Variants in CSPP1 observed in about 807,000 individuals in gnomAD.
CSPP1 encodes centrosome and spindle pole-associated protein 1.
Under a neutral mutation model 164.4 loss-of-function variants are expected in CSPP1, and 126 were observed. The ratio of observed to expected loss-of-function variants is 0.77; its 90% confidence interval spans 0.66 to 0.89. CSPP1 has a LOEUF of 0.89. Among genes scored for constraint, CSPP1 ranks in the 40% least tolerant of loss-of-function variants. The probability of loss-of-function intolerance (pLI) is 0.00; values close to 1 mark genes in which losing one functional copy is unlikely to be tolerated. For missense variants in CSPP1, 1,395 were observed against 1,449.8 expected, an observed-to-expected ratio of 0.96 and a Z score of 0.61; for synonymous variants, 472 against 476.7, an observed-to-expected ratio of 0.99 and a Z score of 0.13.
chr8:67,164,213 C>T (rs1251351472), intron 23 of CSPP1, among the ~76,000 whole-genome samples, 178 bp from the exon 24 acceptor site: 1 of 152,024 alleles, frequency 6.6e-6, no homozygotes, highest in Non-Finnish European at 1.5e-5. Context: ...ACTTGTGGGT[C>T]CTAATGACGT....
intron 1 of CSPP1, among the ~76,000 whole-genome samples, chr8:67,073,408 A>G (rs1251228301): frequency 3.3e-5 from 5 of 152,254 alleles, no homozygotes; most frequent in Admixed American, 2.6e-4. Flanking sequence ...TCTGTTACAC[A>G]GGATTCTTTT....
At chr8:67,091,725 G>A in intron 4 of CSPP1, 78 bp from the exon 5 acceptor site, 4 of 420,114 alleles carry the variant, frequency 9.5e-6, no homozygotes, top group South Asian at 6.1e-5. Context: ...TTAGAATATA[G>A]AATGCAAAGA....
chr8:67,148,324 T>G (rs1825027251), intron 17 of CSPP1, among the ~76,000 whole-genome samples: 1 of 152,220 alleles, frequency 6.6e-6, no homozygotes, highest in African/African-American at 2.4e-5. Flanking sequence ...TATTGAAGAA[T>G]AGGTATCCAT....
At chr8:67,083,550 T>C (rs7386366) in intron 3 of CSPP1, 8 of 85,082 alleles carry the variant, frequency 9.4e-5, no homozygotes, top group Non-Finnish European at 1.9e-4. Flanking sequence ...AAAAAAAAAA[T>C]ATATATATAT....
Position 67,115,916 on chromosome 8 carries a change from T to C in CSPP1, c.1290T>C (p.Pro430=), listed in dbSNP as rs1371417965. Residue 430 remains proline (P), a splice_region_variant and synonymous_variant, in exon 13 of 31, where the codon CCT becomes CCC. Transcript: ENST00000678616. ...LTSLQLSKEE[P]DRLKQFSVAP... is the part of the protein sequence containing the mutation. ...CAGATTTTTTTTCTTTATTTTAGCC[T>C]GATAGACTAAAGCAGTTTAGTGTGG... is the stretch of plus-strand genomic sequence containing the variant. 9.3e-6 allele frequency: 15 copies of C among 1,613,196 alleles called. No individual in the cohort carries two copies. The highest frequency in any genetic ancestry group is 1.3e-5 in the Non-Finnish European group (15 of 1,179,162).
At chr8:67,076,682 G>C (rs747835628) in intron 3 of CSPP1, 101 bp downstream of exon 3, 1 of 614,296 alleles carries the variant, frequency 1.6e-6, no homozygotes. Context: ...TGGAATCCTA[G>C]TAGTTTTTCT....
chr8:67,108,627 C>T (rs1816151767), intron 9 of CSPP1, among the ~76,000 whole-genome samples: 1 of 152,182 alleles, frequency 6.6e-6, no homozygotes, highest in Non-Finnish European at 1.5e-5. Flanking sequence ...GAGGGCATCT[C>T]TCCCTCCACA....
intron 29 of CSPP1, 113 bp downstream of exon 29, chr8:67,190,872 A>T: frequency 1.4e-6 from 1 of 729,134 alleles, no homozygotes; most frequent in Non-Finnish European, 2.4e-6. Context: ...AAATTCAGAC[A>T]TGGGTCTGAA....
upstream of CSPP1, chr8:67,064,386 C>A (rs753156304): frequency 6.2e-7 from 1 of 1,612,284 alleles, no homozygotes; most frequent in Non-Finnish European, 8.5e-7. Flanking sequence ...GAGCCCCGGC[C>A]CGGAGGTCTG....
At chr8:67,159,226 G>C in intron 21 of CSPP1, 89 bp downstream of exon 21, 2 of 1,254,986 alleles carry the variant, frequency 1.6e-6, no homozygotes, top group East Asian at 2.3e-5. Flanking sequence ...AGGGGAGAAA[G>C]AGGAGGAGGT....
At chr8:67,120,476 T>C (rs2129551809) in intron 15 of CSPP1, among the ~76,000 whole-genome samples, 1 of 152,340 alleles carries the variant, frequency 6.6e-6, no homozygotes, top group South Asian at 2.1e-4. Flanking sequence ...CAGTGTCATG[T>C]CTTCTGATCC....
chr8:67,169,157 C>T (rs1348708262), intron 24 of CSPP1, among the ~76,000 whole-genome samples: 1 of 152,094 alleles, frequency 6.6e-6, no homozygotes, highest in Non-Finnish European at 1.5e-5. Flanking sequence ...GCTTAGAGCT[C>T]CATTTTCAAA....
At chr8:67,125,230 T>C (rs1819825132) in intron 15 of CSPP1, among the ~76,000 whole-genome samples, 1 of 152,202 alleles carries the variant, frequency 6.6e-6, no homozygotes, top group Non-Finnish European at 1.5e-5. Context: ...TTTTGAAGGA[T>C]AATTTTGATG....
At chr8:67,188,978 C>T (rs1036114164) in intron 28 of CSPP1, among the ~76,000 whole-genome samples, 4 of 152,144 alleles carry the variant, frequency 2.6e-5, no homozygotes, top group Non-Finnish European at 4.4e-5. Flanking sequence ...AGAGGCTTGC[C>T]GCCATCTTGG....
At position 67,095,524 on chromosome 8, in the gene CSPP1, G is replaced by A; in HGVS notation, c.715G>A (p.Val239Met). ...RRIIKKANEE[V>M]GISNLKHQRF... ...AATTATTAAAAAAGCAAATGAAGAA[G>A]TGGGCATTTCCAACCTAAAACATCA... Residue 239 changes from valine (V) to methionine (M), a missense_variant, in exon 7 of 31, where the codon GTG becomes ATG. Physicochemically the swap from Val to Met is conservative, Grantham distance 21 (BLOSUM62 1). Coordinates refer to ENST00000678616, the MANE Select transcript of CSPP1 (RefSeq NM_001382391.1). 1 of 1,613,706 alleles carries A rather than the reference G, an allele frequency of 6.2e-7. No homozygotes were observed. Among genetic ancestry groups the A allele is most frequent in the Non-Finnish European group, 8.5e-7 (1 of 1,179,906 alleles).
rs1837900352 is a variant in CSPP1 at position 67,196,160 on chromosome 8, C to T, written c.*567C>T. ...ATACGTTAAATGTTTGTTACATCAT[C>T]TTTCTGCTTCTATTTTTATGCCAAT... On this transcript the variant is annotated 3_prime_UTR_variant, in exon 31 of 31. Coordinates refer to ENST00000678616, the MANE Select transcript of CSPP1 (RefSeq NM_001382391.1). The T allele has an allele frequency of 6.6e-6, 1 of 152,242 alleles. No homozygotes were observed. 9.4% of individuals were successfully genotyped at this position (152,242 alleles called of 1,614,324 possible).
intron 9 of CSPP1, among the ~76,000 whole-genome samples, chr8:67,108,713 G>A (rs1374837725): frequency 6.6e-6 from 1 of 152,144 alleles, no homozygotes; most frequent in African/African-American, 2.4e-5. Context: ...TGGGCCTCAG[G>A]GATGGGTCTT....
At chr8:67,158,327 T>G in intron 19 of CSPP1, 120 bp from the exon 20 acceptor site, 1 of 1,129,838 alleles carries the variant, frequency 8.9e-7, no homozygotes. Flanking sequence ...GACTGAAAAA[T>G]TTAGGAACAT....
At chr8:67,167,368 C>G (rs1170048903) in intron 24 of CSPP1, among the ~76,000 whole-genome samples, 1 of 148,712 alleles carries the variant, frequency 6.7e-6, no homozygotes, top group Non-Finnish European at 1.5e-5. Flanking sequence ...ACCTCCCACC[C>G]GGACGGGGCA....
Sources: allele counts gnomAD v4.1 joint callset (sites outside exome capture counted in the v4.1 genomes callset), GRCh38; gene constraint gnomAD v4.1.1; transcripts MANE v1.5; gene names NCBI Gene and HGNC (gene_info 2026-07-23, HGNC 2026-07-21).